MAP3K2: variants seen among roughly 807,000 people sequenced by gnomAD.
MAP3K2 encodes the protein mitogen-activated protein kinase kinase kinase 2, also known as MAP/ERK kinase kinase 2.
A neutral mutation model predicts 80.3 loss-of-function variants in MAP3K2; 24 were observed. The ratio of observed to expected loss-of-function variants is 0.30; its 90% CI spans 0.22 to 0.42. The LOEUF is 0.42. MAP3K2 is among the 10% of genes least tolerant of loss of function. The pLI is 1.00. For synonymous variants in MAP3K2, 244 were observed against 253.7 expected, an observed-to-expected ratio of 0.96 and a Z score of 0.36; for missense variants, 608 against 750.1, an observed-to-expected ratio of 0.81 and a Z score of 2.21.
At chr2:127,343,228 A>G in intron 1 of MAP3K2, 34 bp from the exon 2 acceptor site, 2 of 861,652 alleles carry the variant, frequency 2.3e-6, no homozygotes, top group Non-Finnish European at 3.6e-6. Flanking sequence ...ATATTAATAA[A>G]AAGAAACAGA....
intron 1 of MAP3K2, among the ~76,000 whole-genome samples, chr2:127,366,556 T>C (rs947830018): frequency 6.6e-6 from 1 of 152,158 alleles, no homozygotes; most frequent in African/African-American, 2.4e-5. Flanking sequence ...TTTCCCCCCA[T>C]TTGAAGTAAG....
chr2:127,350,261 T>C (rs1258613300), intron 1 of MAP3K2, among the ~76,000 whole-genome samples: 1 of 151,770 alleles, frequency 6.6e-6, no homozygotes, highest in Non-Finnish European at 1.5e-5. Flanking sequence ...TATGGGACAA[T>C]TTGAGCATCA....
intron 14 of MAP3K2, among the ~76,000 whole-genome samples, chr2:127,316,689 G>A (rs1051518887): frequency 1.6e-4 from 25 of 152,136 alleles, no homozygotes; most frequent in Non-Finnish European, 3.1e-4. Context: ...TCATCTAATG[G>A]TAGCTCTTTG....
rs547155094 is a variant in MAP3K2 at position 127,330,853 on chromosome 2, T to C, written c.265-348A>G. On this transcript the variant is annotated intron_variant, in intron 5 of 16. Transcript: ENST00000682094. ...AATGAAGAAGTACAGACAAAGACCA[T>C]ATGAAATAAAGGTACTACTTTTCTT... is the stretch of plus-strand genomic sequence containing the variant. 2.0e-5 allele frequency among the ~76,000 whole-genome samples: 3 copies of C among 152,326 alleles called. No homozygotes were observed. In the South Asian group the frequency reaches 6.2e-4, roughly 32 times the overall value.
At chr2:127,334,963 G>T (rs1158913095) in intron 5 of MAP3K2, among the ~76,000 whole-genome samples, 3 of 152,078 alleles carry the variant, frequency 2.0e-5, no homozygotes, top group African/African-American at 7.2e-5. Context: ...TAGAGATGGG[G>T]TTTTACCACT....
chr2:127,312,062 T>C (rs1387187900), intron 15 of MAP3K2, among the ~76,000 whole-genome samples: 3 of 152,236 alleles, frequency 2.0e-5, no homozygotes, highest in Non-Finnish European at 2.9e-5. Flanking sequence ...TCAGGTTCAA[T>C]TTCTGGGGGA....
intron 5 of MAP3K2, among the ~76,000 whole-genome samples, chr2:127,332,286 G>A (rs1049590680): frequency 1.3e-5 from 2 of 152,092 alleles, no homozygotes; most frequent in African/African-American, 4.8e-5. Context: ...CTGTTCCGCC[G>A]ATTTTTCATT....
At chr2:127,318,063 G>A (rs13015449) in intron 13 of MAP3K2, 106 bp downstream of exon 13, 1,240 of 514,384 alleles carry the variant, frequency 2.4e-3, no homozygotes, top group Middle Eastern at 3.6e-3. Context: ...TTTTTTTTTT[G>A]AAAAAAAATG....
rs532905867 is a variant in MAP3K2, at chr2:127,347,431, T to C, written c.-65-4237A>G. ...AACATTCAAAAATCAATTATATTTC[T>C]ATACATTAGCAATAAACATTCTGGA... On this transcript the variant is annotated intron_variant, in intron 1 of 16. Transcript: ENST00000682094. Among the ~76,000 whole-genome samples, 5 of 152,230 alleles carry C rather than the reference T, an allele frequency of 3.3e-5. No individual in the cohort carries two copies. In the East Asian group the frequency reaches 9.6e-4, roughly 29 times the overall value.
intron 1 of MAP3K2, among the ~76,000 whole-genome samples, chr2:127,365,959 T>C (rs143351177): frequency 6.6e-5 from 10 of 152,322 alleles, no homozygotes; most frequent in Non-Finnish European, 1.3e-4. Flanking sequence ...CCTCCCAATC[T>C]ACTGACCAAG....
At chr2:127,351,207 TG>T (rs1686685690) in intron 1 of MAP3K2, among the ~76,000 whole-genome samples, 1 of 152,128 alleles carries the variant, frequency 6.6e-6, no homozygotes, top group South Asian at 2.1e-4. Context: ...AAAACTTGAA[TG>T]GGTTCTGTGG....
intron 1 of MAP3K2, among the ~76,000 whole-genome samples, chr2:127,368,778 A>ATT (rs889336807): frequency 6.7e-6 from 1 of 149,220 alleles, no homozygotes; most frequent in Non-Finnish European, 1.5e-5. Context: ...TTAAATTTGT[A>ATT]TTTTTTTTTT....
At chr2:127,328,411 T>A (rs1254888970) in intron 7 of MAP3K2, among the ~76,000 whole-genome samples, 1 of 152,220 alleles carries the variant, frequency 6.6e-6, no homozygotes, top group Admixed American at 6.5e-5. Context: ...TGTATAAATG[T>A]ACAATAAGCT....
At position 127,387,932 on chromosome 2, in the gene MAP3K2, C is replaced by T. The variant is rs1246015090; in HGVS notation, c.-546G>A. 2 of 984,752 alleles carry T rather than the reference C, an allele frequency of 2.0e-6. No homozygotes were observed. The highest frequency in any genetic ancestry group is 3.5e-5 in the African/African-American group (2 of 57,166). 61.0% of individuals were successfully genotyped at this position (984,752 alleles called of 1,614,324 possible). On this transcript the variant is annotated 5_prime_UTR_variant, in exon 1 of 17. Transcript: ENST00000682094. The stretch of plus-strand genomic sequence containing the variant: ...GCGGCACCCTCGTCAGGCGCCGCCG[C>T]TGAGGGCAGGCAGCCCGGCAGCCAC...
intron 2 of MAP3K2, 90 bp downstream of exon 2, chr2:127,343,036 A>G: frequency 1.1e-6 from 1 of 887,330 alleles, no homozygotes; most frequent in Non-Finnish European, 1.7e-6. Flanking sequence ...ATTTATAAAA[A>G]GGTTTATAAT....
intron 1 of MAP3K2, among the ~76,000 whole-genome samples, chr2:127,352,632 C>G (rs1468480398): frequency 6.6e-6 from 1 of 152,138 alleles, no homozygotes; most frequent in African/African-American, 2.4e-5. Flanking sequence ...TCCTTGGCCA[C>G]ATGCTTAGGA....
intron 1 of MAP3K2, among the ~76,000 whole-genome samples, chr2:127,346,410 T>TAAAAAAA (rs70985447): frequency 1.0e-4 from 10 of 96,334 alleles, no homozygotes; most frequent in Non-Finnish European, 1.6e-4. Flanking sequence ...AAACTGGTTT[T>TAAAAAAA]AAAAAAAAAA....
chr2:127,318,131 T>C (rs752845103), intron 13 of MAP3K2, 38 bp downstream of exon 13: 2 of 1,519,214 alleles, frequency 1.3e-6, no homozygotes, highest in South Asian at 2.7e-5. Context: ...ATAAAGTTTC[T>C]TATAATGTGA....
intron 7 of MAP3K2, among the ~76,000 whole-genome samples, chr2:127,328,650 C>T (rs1391811621): frequency 3.9e-5 from 6 of 152,168 alleles, no homozygotes; most frequent in Non-Finnish European, 7.3e-5. Context: ...CTCTGCTGCT[C>T]GCATTTCTGC....
Sources: allele counts gnomAD v4.1 joint callset (sites outside exome capture counted in the v4.1 genomes callset), GRCh38; gene constraint gnomAD v4.1.1; transcripts MANE v1.5; gene names NCBI Gene and HGNC (gene_info 2026-07-23, HGNC 2026-07-21).